Variants in ZNF131 observed in about 807,000 individuals in gnomAD.
The protein encoded by ZNF131 is zinc finger and BTB domain containing 35, also known as zinc finger protein 131.
Under a neutral mutation model 60.0 loss-of-function variants are expected in ZNF131, and 7 were observed. The ratio of observed to expected loss-of-function variants is 0.12; its 90% CI spans 0.07 to 0.22. The LOEUF is 0.22. Among genes scored for constraint, ZNF131 ranks in the 10% least tolerant of loss-of-function variants. ZNF131 has a pLI of 1.00. For missense variants in ZNF131, 493 were observed against 740.9 expected, an observed-to-expected ratio of 0.67 and a Z score of 3.88; for synonymous variants, 257 against 253.2, an observed-to-expected ratio of 1.01 and a Z score of -0.14.
rs763718703 is a variant in ZNF131 at position 43,139,343 on chromosome 5, A to G, written c.371+34A>G. The G allele has an allele frequency of 3.2e-6, 5 of 1,548,754 alleles. No individual in the cohort carries two copies. The Admixed American group carries it at 5.9e-5, about 18-fold the overall frequency. On this transcript the variant is annotated intron_variant, in intron 4 of 6. Coordinates refer to ENST00000682664, the MANE Select transcript of ZNF131 (RefSeq NM_001330707.2). ...TTTCTTTAATGGGGTTCAGATAGTC[A>G]TATTCAGTCATGTTCATTCTGTTAG...
chr5:43,162,896 ACT>A (rs1326674813), intron 5 of ZNF131, among the ~76,000 whole-genome samples: 1 of 135,208 alleles, frequency 7.4e-6, no homozygotes, highest in Non-Finnish European at 1.6e-5. Context: ...CAAGGGCAAA[ACT>A]CTGTCTCAAG....
At position 43,139,819 on chromosome 5, in the gene ZNF131, A is replaced by G. The variant is rs573836175; in HGVS notation, c.371+510A>G. ...CTCTAAGTGCACCTAGTTCAAAGAAAAAGACTATTCAGTTACATTATTCCT... is the reference window on the plus strand; with the variant it reads ...CTCTAAGTGCACCTAGTTCAAAGAAGAAGACTATTCAGTTACATTATTCCT... On this transcript the variant is annotated intron_variant, in intron 4 of 6. Transcript: ENST00000682664. Among the ~76,000 whole-genome samples, 3 of 152,356 alleles carry G rather than the reference A, an allele frequency of 2.0e-5. No individual in the cohort carries two copies. In the South Asian group the frequency reaches 6.2e-4, roughly 32 times the overall value.
chr5:43,173,686 A>G (rs147682906), intron 6 of ZNF131, among the ~76,000 whole-genome samples: 135 of 152,280 alleles, frequency 8.9e-4, no homozygotes, highest in African/African-American at 3.2e-3. Flanking sequence ...ATAGTTAACC[A>G]TGGAGTAATT....
chr5:43,153,107 C>G (rs190540722), intron 4 of ZNF131, among the ~76,000 whole-genome samples: 50 of 152,246 alleles, frequency 3.3e-4, no homozygotes, highest in African/African-American at 1.0e-3. Context: ...ATGTTTCCCA[C>G]TTTGGCTCAC....
Position 43,175,294 on chromosome 5 carries a change from C to T in ZNF131, c.*161C>T. The T allele has an allele frequency of 1.3e-6, 1 of 750,850 alleles. No individual in the cohort carries two copies. The highest frequency in any genetic ancestry group is 2.7e-5 in the Admixed American group (1 of 37,018). 46.5% of individuals were successfully genotyped at this position (750,850 alleles called of 1,614,324 possible). The stretch of plus-strand genomic sequence containing the variant: ...CCGTTGAAACACATTGATTCCCCTC[C>T]CCCTACTTATTGCCACAGAGGAGGG... On this transcript the variant is annotated 3_prime_UTR_variant, in exon 7 of 7. Coordinates refer to ENST00000682664, the MANE Select transcript of ZNF131 (RefSeq NM_001330707.2).
intron 4 of ZNF131, among the ~76,000 whole-genome samples, chr5:43,150,251 A>G (rs1441031278): frequency 6.6e-6 from 1 of 151,984 alleles, no homozygotes; most frequent in Non-Finnish European, 1.5e-5. Flanking sequence ...AAATAAACCT[A>G]CTCTCCACTC....
At chr5:43,160,174 T>A (rs1749481455) in intron 4 of ZNF131, among the ~76,000 whole-genome samples, 2 of 122,686 alleles carry the variant, frequency 1.6e-5, no homozygotes. Context: ...AGACTCCATC[T>A]CAAAAAAACA....
intron 3 of ZNF131, among the ~76,000 whole-genome samples, chr5:43,128,676 A>AAAAAAC: frequency 6.6e-6 from 1 of 150,740 alleles, no homozygotes; most frequent in Non-Finnish European, 1.5e-5. Flanking sequence ...AAAAAAAAAA[A>AAAAAAC]ACACACCTGG....
chr5:43,142,357 C>T (rs1746961290), intron 4 of ZNF131, among the ~76,000 whole-genome samples: 1 of 146,084 alleles, frequency 6.8e-6, no homozygotes, highest in Non-Finnish European at 1.5e-5. Context: ...CTGGAGAGTA[C>T]ACTGGTGAGA....
chr5:43,148,182 G>A (rs1227455475), intron 4 of ZNF131, among the ~76,000 whole-genome samples: 2 of 151,436 alleles, frequency 1.3e-5, no homozygotes, highest in Non-Finnish European at 2.9e-5. Flanking sequence ...GACCAGCCTG[G>A]GCAACATGGT....
rs1751369263 is a variant in ZNF131 at position 43,174,586 on chromosome 5, C to T, written c.1325C>T (p.Ala442Val). Residue 442 changes from alanine (A) to valine (V), a missense_variant, in exon 7 of 7, where the codon GCT (alanine) becomes GTT (valine). Physicochemically the swap from Ala to Val is moderately conservative, Grantham distance 64. Transcript: ENST00000682664. ...GNELRRHLSD[A>V]HNISERLVTE... ...GAATTAAGGAGGCATCTCAGTGATGCTCACAATATTTCAGAGCGTCTAGTA... is the reference window on the plus strand; with the variant it reads ...GAATTAAGGAGGCATCTCAGTGATGTTCACAATATTTCAGAGCGTCTAGTA... 2 of 1,612,790 alleles carry T rather than the reference C, an allele frequency of 1.2e-6. No individual in the cohort carries two copies. The highest frequency in any genetic ancestry group is 1.1e-5 in the South Asian group (1 of 90,792).
At chr5:43,164,068 G>A (rs922672661) in intron 5 of ZNF131, among the ~76,000 whole-genome samples, 4 of 152,154 alleles carry the variant, frequency 2.6e-5, no homozygotes, top group East Asian at 1.9e-4. Flanking sequence ...ACTAATAGGC[G>A]TTTATGAAAT....
intron 4 of ZNF131, among the ~76,000 whole-genome samples, chr5:43,148,954 G>C (rs1011494180): frequency 2.0e-5 from 3 of 152,116 alleles, no homozygotes; most frequent in African/African-American, 7.2e-5. Context: ...GTATGGTAGT[G>C]CTTGTGTAAT....
At chr5:43,153,613 C>T (rs904903394) in intron 4 of ZNF131, among the ~76,000 whole-genome samples, 1 of 151,982 alleles carries the variant, frequency 6.6e-6, no homozygotes, top group African/African-American at 2.4e-5. Context: ...TGCATTCTAA[C>T]CTGGGCAACA....
At chr5:43,143,578 C>T (rs1747138922) in intron 4 of ZNF131, 1 of 326,486 alleles carries the variant, frequency 3.1e-6, no homozygotes, top group South Asian at 4.5e-5. Context: ...AATCCCTTTC[C>T]TGTAATTCTG....
At chr5:43,152,873 G>A (rs1343666424) in intron 4 of ZNF131, among the ~76,000 whole-genome samples, 3 of 152,120 alleles carry the variant, frequency 2.0e-5, no homozygotes, top group African/African-American at 7.2e-5. Flanking sequence ...GCCTCCCAAA[G>A]TGCTGGTATT....
intron 3 of ZNF131, among the ~76,000 whole-genome samples, chr5:43,136,666 T>TC (rs1746156540): frequency 6.8e-6 from 1 of 146,266 alleles, no homozygotes; most frequent in Admixed American, 6.9e-5. Context: ...TTTTTTTTTT[T>TC]AGTAGAGACG....
At chr5:43,169,967 T>A (rs1053842148) in intron 5 of ZNF131, among the ~76,000 whole-genome samples, 1 of 152,110 alleles carries the variant, frequency 6.6e-6, no homozygotes, top group Non-Finnish European at 1.5e-5. Context: ...ATTTTTTGTA[T>A]TTTTAGTAGA....
chr5:43,161,967 C>T (rs749213720), intron 5 of ZNF131, 36 bp downstream of exon 5: 9 of 1,521,260 alleles, frequency 5.9e-6, no homozygotes, highest in Non-Finnish European at 7.9e-6. Context: ...TTTTTTTTTC[C>T]CACATGCACT....
Sources: allele counts gnomAD v4.1 joint callset (sites outside exome capture counted in the v4.1 genomes callset), GRCh38; gene constraint gnomAD v4.1.1; transcripts MANE v1.5; gene names NCBI Gene and HGNC (gene_info 2026-07-23, HGNC 2026-07-21).